Variants in NCALD observed in about 807,000 individuals in gnomAD.
The protein encoded by NCALD is neurocalcin delta.
In NCALD, 10 loss-of-function variants were observed where a neutral mutation model predicts 18.6. That is an observed-to-expected ratio of 0.54 (90% confidence interval 0.33 to 0.91). The LOEUF is 0.91. Among genes scored for constraint, NCALD ranks in the 40% least tolerant of loss-of-function variants. The pLI, the probability that NCALD is intolerant of heterozygous loss-of-function variation, is 0.03. For missense variants in NCALD, 184 were observed against 247.6 expected (o/e 0.74, Z 1.72); for synonymous variants, 88 against 87.4 (o/e 1.01, Z -0.04).
At chr8:101,700,511 C>G (rs988073656) in intron 2 of NCALD, among the ~76,000 whole-genome samples, 1 of 152,162 alleles carries the variant, frequency 6.6e-6, no homozygotes, top group Non-Finnish European at 1.5e-5. Context: ...CTTGCCTAGG[C>G]TACCTCTGGG....
At position 102,092,145 on chromosome 8, in the gene NCALD, A is replaced by G. The variant is rs148281544; in HGVS notation, c.-210+32092T>C. Among the ~76,000 whole-genome samples, 650 of 152,310 alleles carry G rather than the reference A, an allele frequency of 4.3e-3. 10 individuals carry two copies. Among genetic ancestry groups the G allele is most frequent in the African/African-American group, 0.015 (619 of 41,564 alleles). Reference sequence around the variant, plus strand: ...AGTAAAAAAGCCGGCCAAAACCAAGATGGTGATGACAGTGACCTGGTCGTC... The same window carrying G: ...AGTAAAAAAGCCGGCCAAAACCAAGGTGGTGATGACAGTGACCTGGTCGTC... On this transcript the variant is annotated intron_variant, in intron 1 of 6. Transcript: ENST00000311028.
intron 1 of NCALD, among the ~76,000 whole-genome samples, chr8:101,772,987 A>C (rs1003644308): frequency 3.9e-5 from 6 of 152,170 alleles, no homozygotes; most frequent in Non-Finnish European, 5.9e-5. Context: ...TATTGTCCCC[A>C]AAAATTATGA....
At chr8:102,097,087 G>A (rs1341914715) in intron 1 of NCALD, among the ~76,000 whole-genome samples, 3 of 152,166 alleles carry the variant, frequency 2.0e-5, no homozygotes, top group African/African-American at 7.2e-5. Context: ...CTGAAAACAT[G>A]AGCATCACCA....
chr8:101,955,167 G>A (rs766703842), intron 2 of NCALD, among the ~76,000 whole-genome samples: 5 of 152,088 alleles, frequency 3.3e-5, no homozygotes, highest in Non-Finnish European at 5.9e-5. Context: ...AGAAAGTATC[G>A]CCAAATGCCT....
chr8:101,747,160 C>G (rs998204208), intron 1 of NCALD, among the ~76,000 whole-genome samples: 2 of 148,850 alleles, frequency 1.3e-5, no homozygotes, highest in East Asian at 4.0e-4. Flanking sequence ...TCCTGCCCCA[C>G]ACACACAGAG....
chr8:102,039,548 G>A (rs553620999), intron 1 of NCALD, among the ~76,000 whole-genome samples: 23 of 152,256 alleles, frequency 1.5e-4, no homozygotes, highest in African/African-American at 5.3e-4. Context: ...TTGGGAAGTA[G>A]TGAATAGGAA....
intron 1 of NCALD, among the ~76,000 whole-genome samples, chr8:101,726,798 C>T (rs1816592322): frequency 6.6e-6 from 1 of 152,100 alleles, no homozygotes; most frequent in African/African-American, 2.4e-5. Flanking sequence ...TGAATGAGTG[C>T]ACCAGGGACG....
intron 4 of NCALD, among the ~76,000 whole-genome samples, chr8:101,842,468 T>G (rs918082299): frequency 1.1e-4 from 16 of 152,244 alleles, no homozygotes; most frequent in African/African-American, 3.9e-4. Flanking sequence ...CTAACAAGTC[T>G]GAATATGGGT....
At chr8:101,731,087 G>A (rs539132002) in intron 1 of NCALD, among the ~76,000 whole-genome samples, 1 of 152,230 alleles carries the variant, frequency 6.6e-6, no homozygotes, top group East Asian at 1.9e-4. Context: ...GAGGAAGTGA[G>A]GCAGGGCACC....
chr8:102,099,944 C>T (rs1162844495), intron 1 of NCALD, among the ~76,000 whole-genome samples: 1 of 150,450 alleles, frequency 6.6e-6, no homozygotes, highest in Non-Finnish European at 1.5e-5. Context: ...TGCACTCCAG[C>T]CTGGACAACA....
chr8:101,735,808 A>T (rs1199800269), intron 1 of NCALD, among the ~76,000 whole-genome samples: 1 of 152,198 alleles, frequency 6.6e-6, no homozygotes, highest in Non-Finnish European at 1.5e-5. Flanking sequence ...ATATTGATCT[A>T]CGCTGTGGCC....
intron 2 of NCALD, among the ~76,000 whole-genome samples, chr8:101,982,511 G>C (rs1820657603): frequency 1.3e-5 from 2 of 152,134 alleles, no homozygotes; most frequent in Non-Finnish European, 2.9e-5. Context: ...TAAAAAAAGG[G>C]TATAGCCTTG....
At chr8:101,840,397 C>T (rs376973381) in intron 4 of NCALD, among the ~76,000 whole-genome samples, 1 of 152,012 alleles carries the variant, frequency 6.6e-6, no homozygotes, top group Non-Finnish European at 1.5e-5. Flanking sequence ...CTTGGTAGGT[C>T]TTGTAATATA....
At chr8:101,965,594 TCA>T (rs542057276) in intron 2 of NCALD, among the ~76,000 whole-genome samples, 1 of 151,918 alleles carries the variant, frequency 6.6e-6, no homozygotes, top group South Asian at 2.1e-4. Flanking sequence ...GAGGGGAACA[TCA>T]CACACCAGGA....
At chr8:101,912,670 C>T (rs1356296318) in intron 3 of NCALD, among the ~76,000 whole-genome samples, 1 of 152,182 alleles carries the variant, frequency 6.6e-6, no homozygotes, top group African/African-American at 2.4e-5. Context: ...TGGTGGAATC[C>T]CAATGCCCAG....
At chr8:102,023,791 CAGAAA>C (rs1459460711) in intron 1 of NCALD, among the ~76,000 whole-genome samples, 2 of 152,186 alleles carry the variant, frequency 1.3e-5, no homozygotes, top group Admixed American at 6.5e-5. Flanking sequence ...TGACAAATAA[CAGAAA>C]AGAAGTGTTG....
intron 2 of NCALD, among the ~76,000 whole-genome samples, chr8:101,718,605 C>A (rs528442856): frequency 6.6e-6 from 1 of 152,128 alleles, no homozygotes; most frequent in Non-Finnish European, 1.5e-5. Context: ...GCAGCCAGGA[C>A]GACTGGGCAA....
At chr8:101,771,014 T>G (rs560068640) in intron 1 of NCALD, among the ~76,000 whole-genome samples, 28 of 152,348 alleles carry the variant, frequency 1.8e-4, no homozygotes, top group Admixed American at 3.3e-4. Context: ...TAGTTCACTT[T>G]CCTTGCTATT....
intron 2 of NCALD, among the ~76,000 whole-genome samples, chr8:101,922,323 TGGTGATGTGTAAGACAACTG>T (rs1328221322): frequency 1.3e-5 from 2 of 152,146 alleles, no homozygotes; most frequent in Non-Finnish European, 2.9e-5. Context: ...CCAAGCTACT[TGGTGATGTGTAAGACAACTG>T]GGTGAGACCA....
Sources: allele counts gnomAD v4.1 joint callset (sites outside exome capture counted in the v4.1 genomes callset), GRCh38; gene constraint gnomAD v4.1.1; transcripts MANE v1.5; gene names NCBI Gene and HGNC (gene_info 2026-07-23, HGNC 2026-07-21).